PHGDH: variants seen among roughly 807,000 people sequenced by gnomAD.
The protein encoded by PHGDH is phosphoglycerate dehydrogenase, also known as D-3-phosphoglycerate dehydrogenase.
PHGDH carries 50 observed loss-of-function variants against 52.6 expected under a neutral mutation model. That is an observed-to-expected ratio of 0.95 (90% CI 0.76 to 1.20). PHGDH has a LOEUF of 1.20. PHGDH is among the 50% of genes most tolerant of loss of function. PHGDH has a pLI of 0.00. For synonymous variants in PHGDH, 271 were observed against 280.5 expected, an observed-to-expected ratio of 0.97 and a Z score of 0.34; for missense variants, 630 against 684.6, an observed-to-expected ratio of 0.92 and a Z score of 0.89.
intron 3 of PHGDH, among the ~76,000 whole-genome samples, chr1:119,726,171 CTGTGAAGAGTGTGTG>C (rs1651400184): frequency 1.4e-5 from 2 of 140,104 alleles, no homozygotes; most frequent in African/African-American, 2.8e-5. Flanking sequence ...AGGAGACAGG[CTGTGAAGAGTGTGTG>C]TGTGTGTGTG....
intron 3 of PHGDH, chr1:119,724,576 G>A: frequency 2.7e-6 from 1 of 363,658 alleles, no homozygotes; most frequent in East Asian, 7.3e-5. Context: ...GGTTCTCCCA[G>A]AACATCTAGG....
rs202074277 is a variant in PHGDH at position 119,740,366 on chromosome 1, C to T, written c.946-20C>T. On this transcript the variant is annotated intron_variant, in intron 8 of 11. Transcript: ENST00000641023. ...CCATGCCTCTTCCTGACCACAGCCC[C>T]GCTCCTCCATCCTCTGCAGGTGAAT... is the stretch of plus-strand genomic sequence containing the variant. 99 of 1,613,946 alleles carry T rather than the reference C, an allele frequency of 6.1e-5. No individual in the cohort carries two copies. Among genetic ancestry groups the T allele is most frequent in the Admixed American group, 1.7e-4 (10 of 60,026 alleles).
At chr1:119,719,184 A>G (rs1004025659) in intron 1 of PHGDH, among the ~76,000 whole-genome samples, 2 of 152,198 alleles carry the variant, frequency 1.3e-5, no homozygotes, top group Non-Finnish European at 2.9e-5. Context: ...TGGGGCAGTC[A>G]GCACTGAGGT....
chr1:119,741,789 G>A lies in PHGDH; in HGVS notation c.1101G>A (p.Gly367=), dbSNP rs756306110. 2.5e-6 allele frequency: 4 copies of A among 1,613,482 alleles called. No homozygotes were observed. The highest frequency in any genetic ancestry group is 3.4e-6 in the Non-Finnish European group (4 of 1,179,404). The change falls in exon 10 of 12, where the codon GGG becomes GGA. Residue 367 remains glycine, a synonymous_variant. Coordinates refer to ENST00000641023, the MANE Select transcript of PHGDH (RefSeq NM_006623.4). ...ITQGTSLKNA[G]NCLSPAVIVG... is the part of the protein sequence containing the mutation. Reference sequence around the variant, plus strand: ...CAGGAACATCCCTGAAGAATGCTGGGAACTGCCTAAGCCCCGCAGTCATTG... The same window carrying A: ...CAGGAACATCCCTGAAGAATGCTGGAAACTGCCTAAGCCCCGCAGTCATTG...
intron 3 of PHGDH, among the ~76,000 whole-genome samples, chr1:119,726,219 TGTGTG>T (rs1557971268): frequency 6.7e-6 from 1 of 149,790 alleles, no homozygotes; most frequent in African/African-American, 2.5e-5. Flanking sequence ...TGTGTGTGTG[TGTGTG>T]TTGGTGGTGG....
rs1650720282 is a variant in PHGDH, at chr1:119,712,096, ATGGAGGGCTGCAGG to A, written c.78_91del (p.Leu28LysfsTer5). 1 of 1,614,010 alleles carries A rather than the reference ATGGAGGGCTGCAGG, an allele frequency of 6.2e-7. No individual in the cohort carries two copies. The highest frequency in any genetic ancestry group is 8.5e-7 in the Non-Finnish European group (1 of 1,179,934). The stretch of plus-strand genomic sequence containing the variant: ...CCTTGCTGCCGGAAGATCTTGCAAG[ATGGAGGGCTGCAGG>A]TGGTGGAAAAGCAGAACCTTAGCAA... On this transcript the variant is annotated frameshift_variant, in exon 1 of 12. Transcript: ENST00000641023. LOFTEE classifies it high-confidence loss of function.
At chr1:119,724,447 C>T (rs1322568782) in intron 3 of PHGDH, 1 of 310,742 alleles carries the variant, frequency 3.2e-6, no homozygotes. Flanking sequence ...TCTGAGCTCT[C>T]TGGTATTCAC....
chr1:119,712,272 G>A (rs1346956592), intron 1 of PHGDH, 112 bp downstream of exon 1: 3 of 936,016 alleles, frequency 3.2e-6, no homozygotes, highest in African/African-American at 3.3e-5. Context: ...AATTAGTTCC[G>A]GGGCCTCCTG....
At position 119,721,173 on chromosome 1, in the gene PHGDH, T is replaced by C. The variant is rs1296126379; in HGVS notation, c.142T>C (p.Cys48Arg). The change falls in exon 2 of 12, where the codon TGT becomes CGT. Residue 48 changes from cysteine to arginine, a missense_variant. By Grantham distance (180) the Cys-to-Arg change is radical. Coordinates refer to ENST00000641023, the MANE Select transcript of PHGDH (RefSeq NM_006623.4). ...CCAAATGTTTTTTCTGCTTCAGGAC[T>C]GTGAAGGCCTTATTGTTCGCTCTGC... The part of the protein sequence containing the change: ...KEELIAELQD[C>R]EGLIVRSATK... 2.5e-6 allele frequency: 4 copies of C among 1,614,126 alleles called. No individual in the cohort carries two copies. The South Asian group carries it at 4.4e-5, about 18-fold the overall frequency.
chr1:119,712,278 T>A, intron 1 of PHGDH, 118 bp downstream of exon 1: 9 of 660,638 alleles, frequency 1.4e-5, no homozygotes, highest in African/African-American at 1.9e-5. Flanking sequence ...TTCCGGGGCC[T>A]CCTGAGATTG....
intron 10 of PHGDH, 52 bp downstream of exon 10, chr1:119,741,949 C>T: frequency 6.7e-7 from 1 of 1,500,750 alleles, no homozygotes; most frequent in Non-Finnish European, 9.3e-7. Context: ...CACTAGTCTT[C>T]TCCCCCACAT....
rs1483491039 is a variant in PHGDH at position 119,711,939 on chromosome 1, T to C, written c.-84T>C. 12 of 1,416,152 alleles carry C rather than the reference T, an allele frequency of 8.5e-6. No individual in the cohort carries two copies. The highest frequency in any genetic ancestry group is 1.1e-5 in the Non-Finnish European group (11 of 1,002,174). 87.7% of individuals were successfully genotyped at this position (1,416,152 alleles called of 1,614,324 possible). On this transcript the variant is annotated 5_prime_UTR_variant, in exon 1 of 12. Transcript: ENST00000641023. Reference sequence around the variant, plus strand: ...CGGGAGCTGGAGAATACTGCCCAGTTACTCTAGCGCGCCAGGCCGAACCGC... The same window carrying C: ...CGGGAGCTGGAGAATACTGCCCAGTCACTCTAGCGCGCCAGGCCGAACCGC...
chr1:119,740,263 G>T, intron 8 of PHGDH, 123 bp from the exon 9 acceptor site: 1 of 915,004 alleles, frequency 1.1e-6, no homozygotes, highest in East Asian at 2.6e-5. Context: ...CACCCACCAG[G>T]CACCAAGGCA....
chr1:119,721,398 C>T, intron 2 of PHGDH, 77 bp downstream of exon 2: 2 of 1,456,084 alleles, frequency 1.4e-6, no homozygotes, highest in Non-Finnish European at 1.9e-6. Flanking sequence ...GGAGAAAAAA[C>T]TCACTTGAGA....
At chr1:119,712,487 A>G in intron 1 of PHGDH, 1 of 373,552 alleles carries the variant, frequency 2.7e-6, no homozygotes, top group Non-Finnish European at 5.1e-6. Flanking sequence ...GCGGCGCCCC[A>G]GCGCCTTAGC....
Position 119,742,909 on chromosome 1 carries a change from G to T in PHGDH, c.1312G>T (p.Val438Phe). The T allele has an allele frequency of 6.2e-7, 1 of 1,614,070 alleles. No individual in the cohort carries two copies. The highest frequency in any genetic ancestry group is 1.7e-5 in the Admixed American group (1 of 60,030). Residue 438 changes from valine (V) to phenylalanine (F), a missense_variant, in exon 11 of 12, where the codon GTC becomes TTC. Coordinates refer to ENST00000641023, the MANE Select transcript of PHGDH (RefSeq NM_006623.4). ...CGCCCCTTACCAGGCTGTGGGCTTGGTCCAAGGCACTACGCCTGTACTGCA... is the reference window on the plus strand; with the variant it reads ...CGCCCCTTACCAGGCTGTGGGCTTGTTCCAAGGCACTACGCCTGTACTGCA... The part of the protein sequence containing the change: ...AGAPYQAVGL[V>F]QGTTPVLQGL...
At position 119,744,188 on chromosome 1, in the gene PHGDH, A is replaced by T. The variant is rs1652341206; in HGVS notation, c.*148A>T. The T allele has an allele frequency of 1.3e-6, 1 of 757,982 alleles. No individual in the cohort carries two copies. The highest frequency in any genetic ancestry group is 2.0e-5 in the Admixed American group (1 of 50,830). 47.0% of individuals were successfully genotyped at this position (757,982 alleles called of 1,614,324 possible). On this transcript the variant is annotated 3_prime_UTR_variant, in exon 12 of 12. Coordinates refer to ENST00000641023, the MANE Select transcript of PHGDH (RefSeq NM_006623.4). ...CACTCTGACCCTGTAGTACAGCAAT[A>T]ACCGTCTAATAAAGAGCCTACCCCC...
At chr1:119,734,831 C>T in intron 6 of PHGDH, 65 bp downstream of exon 6, 1 of 1,541,376 alleles carries the variant, frequency 6.5e-7, no homozygotes, top group Non-Finnish European at 9.0e-7. Context: ...AATGGGCCCT[C>T]CATCTGGGCC....
chr1:119,723,672 T>C (rs1387606769), intron 3 of PHGDH, among the ~76,000 whole-genome samples: 1 of 151,950 alleles, frequency 6.6e-6, no homozygotes, highest in Non-Finnish European at 1.5e-5. Flanking sequence ...TTACTCATGT[T>C]CTATTCTCCA....
Sources: gnomAD v4.1 joint callset for allele counts (sites outside exome capture counted in the v4.1 genomes callset) on GRCh38, gnomAD v4.1.1 for gene constraint, MANE v1.5 for transcripts, NCBI Gene and HGNC (gene_info 2026-07-23, HGNC 2026-07-21) for gene names.